THSD7A: variants seen among roughly 807,000 people sequenced by gnomAD.
THSD7A encodes thrombospondin type-1 domain-containing protein 7A.
THSD7A carries 96 observed loss-of-function variants against 231.3 expected under a neutral mutation model. The ratio of observed to expected loss-of-function variants is 0.41; its 90% CI spans 0.35 to 0.49. The LOEUF is 0.49. Among genes scored for constraint, THSD7A ranks in the 20% least tolerant of loss-of-function variants. The pLI is 0.05. For missense variants in THSD7A, 2,290 were observed against 2,070.2 expected, an observed-to-expected ratio of 1.11 and a Z score of -2.06; for synonymous variants, 940 against 743.3, an observed-to-expected ratio of 1.26 and a Z score of -4.30.
intron 23 of THSD7A, among the ~76,000 whole-genome samples, chr7:11,399,980 C>T (rs1312462275): frequency 1.3e-5 from 2 of 151,962 alleles, no homozygotes; most frequent in South Asian, 2.1e-4. Flanking sequence ...ACTATGCAGC[C>T]ATAAAAAAGG....
At chr7:11,748,813 T>C (rs1244275488) in intron 1 of THSD7A, among the ~76,000 whole-genome samples, 1 of 151,952 alleles carries the variant, frequency 6.6e-6, no homozygotes. Flanking sequence ...CAATACAAAC[T>C]TATAAATTAT....
chr7:11,636,174 T>G lies in THSD7A; in HGVS notation c.978A>C (p.Arg326Ser). ...CCGTCTTGTTAATGCACATAACCTCTCTGGTCTGATATCCAATCTGGATGT... is the reference window on the plus strand; with the variant it reads ...CCGTCTTGTTAATGCACATAACCTCGCTGGTCTGATATCCAATCTGGATGT... ...YWDIQIGYQT[R>S]EVMCINKTGK... The change falls in exon 2 of 28, where the codon AGA becomes AGC. Residue 326 changes from arginine (R) to serine (S), a missense_variant. Coordinates refer to ENST00000423059, the MANE Select transcript of THSD7A (RefSeq NM_015204.3). This position sits in a 1 kb window ranked among gnomAD's most constrained non-coding sequence, Gnocchi z 10.0. The G allele has an allele frequency of 1.2e-6, 2 of 1,613,976 alleles. No homozygotes were observed. The highest frequency in any genetic ancestry group is 1.7e-6 in the Non-Finnish European group (2 of 1,179,874).
intron 8 of THSD7A, among the ~76,000 whole-genome samples, chr7:11,472,550 A>C (rs1785979430): frequency 6.6e-6 from 1 of 152,154 alleles, no homozygotes; most frequent in Non-Finnish European, 1.5e-5. Context: ...ATTTGATTTA[A>C]CAAGTCTATA....
intron 1 of THSD7A, among the ~76,000 whole-genome samples, chr7:11,704,637 T>C (rs1780706356): frequency 6.6e-6 from 1 of 150,980 alleles, no homozygotes; most frequent in African/African-American, 2.4e-5. Flanking sequence ...CTATTGATCT[T>C]ATTCATCTTA....
intron 9 of THSD7A, among the ~76,000 whole-genome samples, chr7:11,466,072 T>A (rs1226808445): frequency 6.6e-6 from 1 of 152,156 alleles, no homozygotes; most frequent in African/African-American, 2.4e-5. Flanking sequence ...CTTCCTGGAA[T>A]CCTACTATTC....
intron 1 of THSD7A, among the ~76,000 whole-genome samples, chr7:11,653,369 G>T (rs542199015): frequency 1.3e-5 from 2 of 150,754 alleles, no homozygotes; most frequent in Admixed American, 1.3e-4. Context: ...AAGCCAATTT[G>T]CTCATAACCA....
At chr7:11,395,570 C>T (rs1264592237) in intron 23 of THSD7A, among the ~76,000 whole-genome samples, 1 of 151,242 alleles carries the variant, frequency 6.6e-6, no homozygotes. Context: ...CTCTGTCACC[C>T]AGGCTGTAGT....
intron 2 of THSD7A, among the ~76,000 whole-genome samples, chr7:11,626,487 C>T (rs1272547069): frequency 6.6e-6 from 1 of 152,056 alleles, no homozygotes; most frequent in Non-Finnish European, 1.5e-5. Context: ...GTGAAGACAT[C>T]CTGTCCATGA....
At chr7:11,785,772 T>C (rs1267176128) in intron 1 of THSD7A, among the ~76,000 whole-genome samples, 1 of 152,146 alleles carries the variant, frequency 6.6e-6, no homozygotes, top group African/African-American at 2.4e-5. Flanking sequence ...GTTACAAACA[T>C]TGAAAATATC....
intron 2 of THSD7A, among the ~76,000 whole-genome samples, chr7:11,614,333 C>T (rs1781035339): frequency 6.6e-6 from 1 of 152,186 alleles, no homozygotes; most frequent in Non-Finnish European, 1.5e-5. Flanking sequence ...AGCCAACAAG[C>T]TGTCTGTGGT....
chr7:11,470,699 T>C (rs1785902298), intron 8 of THSD7A, among the ~76,000 whole-genome samples: 1 of 151,758 alleles, frequency 6.6e-6, no homozygotes, highest in Non-Finnish European at 1.5e-5. Flanking sequence ...AATATCTTTT[T>C]TGAAACAAAA....
intron 1 of THSD7A, among the ~76,000 whole-genome samples, chr7:11,754,847 T>C (rs1782621784): frequency 1.3e-5 from 2 of 152,098 alleles, no homozygotes; most frequent in African/African-American, 2.4e-5. Context: ...CATAAGAATA[T>C]AATAATAGAA....
At chr7:11,671,431 C>T (rs1011587603) in intron 1 of THSD7A, among the ~76,000 whole-genome samples, 1 of 152,122 alleles carries the variant, frequency 6.6e-6, no homozygotes, top group Non-Finnish European at 1.5e-5. Flanking sequence ...ATTTTATAGG[C>T]ATGTGTATTT....
At chr7:11,813,389 C>T (rs1436937296) in intron 1 of THSD7A, among the ~76,000 whole-genome samples, 1 of 152,050 alleles carries the variant, frequency 6.6e-6, no homozygotes, top group Non-Finnish European at 1.5e-5. Context: ...TCACAAAAAA[C>T]ATAGTATGTA....
At chr7:11,807,182 C>T (rs1007331304) in intron 1 of THSD7A, among the ~76,000 whole-genome samples, 9 of 151,994 alleles carry the variant, frequency 5.9e-5, no homozygotes, top group Non-Finnish European at 1.2e-4. Flanking sequence ...AGCCCTTCTC[C>T]ACTGCACGTG....
At chr7:11,389,273 C>T (rs769128152) in intron 23 of THSD7A, among the ~76,000 whole-genome samples, 13 of 151,960 alleles carry the variant, frequency 8.6e-5, no homozygotes, top group Admixed American at 2.6e-4. Flanking sequence ...TGAATCCGGG[C>T]GCTCCTGCAT....
chr7:11,410,268 G>A (rs1783736455), intron 19 of THSD7A, among the ~76,000 whole-genome samples: 1 of 129,832 alleles, frequency 7.7e-6, no homozygotes, highest in Admixed American at 7.8e-5. Context: ...AGTTAAGTTA[G>A]GTCCACATGA....
In THSD7A at chr7:11,541,649, G is replaced by GA. The variant is rs779485729; in HGVS notation, c.1610-19dup. Reference sequence around the variant, plus strand: ...TTTGAAGCCTGAATTATGGGGGAAGGAAAAATCTATTGTTACTATCAAAGG... The same window carrying GA: ...TTTGAAGCCTGAATTATGGGGGAAGGAAAAAATCTATTGTTACTATCAAAGG... On this transcript the variant is annotated intron_variant, in intron 5 of 27. Transcript: ENST00000423059. 2.5e-6 allele frequency: 4 copies of GA among 1,605,508 alleles called. No homozygotes were observed. In the African/African-American group the frequency reaches 5.4e-5, roughly 22 times the overall value.
At chr7:11,494,962 G>A (rs185056231) in intron 6 of THSD7A, among the ~76,000 whole-genome samples, 25 of 152,120 alleles carry the variant, frequency 1.6e-4, no homozygotes, top group African/African-American at 6.0e-4. Flanking sequence ...AAATGTATGA[G>A]TTTGGGAGAT....
Sources: allele counts gnomAD v4.1 joint callset (sites outside exome capture counted in the v4.1 genomes callset), GRCh38; gene constraint gnomAD v4.1.1; non-coding constraint Gnocchi (gnomAD v3.1); transcripts MANE v1.5; gene names NCBI Gene and HGNC (gene_info 2026-07-23, HGNC 2026-07-21).